The following HEXB variants were observed in gnomAD, a reference collection of about 807,000 sequenced individuals.
HEXB encodes the protein hexosaminidase subunit beta.
In HEXB, 51 loss-of-function variants were observed where a neutral mutation model predicts 71.2. That is an observed-to-expected ratio of 0.72 (90% CI 0.57 to 0.90). HEXB has a LOEUF of 0.90. Among genes scored for constraint, HEXB ranks in the 40% least tolerant of loss-of-function variants. The probability of loss-of-function intolerance (pLI) is 0.00; values close to 1 mark genes in which losing one functional copy is unlikely to be tolerated. For synonymous variants in HEXB, 266 were observed against 249.3 expected (o/e 1.07, Z -0.63); for missense variants, 617 against 677.0 (o/e 0.91, Z 0.98).
intron 1 of HEXB, among the ~76,000 whole-genome samples, chr5:74,677,785 A>G (rs942199342): frequency 1.3e-5 from 2 of 151,932 alleles, no homozygotes; most frequent in Non-Finnish European, 2.9e-5. Context: ...GTGAATTCTG[A>G]GATTTTAGTG....
Position 74,641,653 on chromosome 5 carries a change from C to G in HEXB, c.-377+1095C>G, listed in dbSNP as rs1189379407. ...AAAGAAATGGCCCAGCACACACACACGTTTAATAGTCCCGCGTGTCAGGAG... is the reference window on the plus strand; with the variant it reads ...AAAGAAATGGCCCAGCACACACACAGGTTTAATAGTCCCGCGTGTCAGGAG... On this transcript the variant is annotated intron_variant, in intron 1 of 13. Transcript: ENST00000511181. This position sits in a 1 kb window ranked among gnomAD's most constrained non-coding sequence, Gnocchi z 4.1. 1.3e-5 allele frequency among the ~76,000 whole-genome samples: 2 copies of G among 152,218 alleles called. No individual in the cohort carries two copies. The highest frequency in any genetic ancestry group is 3.8e-4 in the East Asian group (2 of 5,202).
Position 74,705,202 on chromosome 5 carries a change from AAT to A in HEXB, c.670-14_670-13del, listed in dbSNP as rs886060751. On this transcript the variant is annotated splice_polypyrimidine_tract_variant and intron_variant, in intron 5 of 13. Transcript: ENST00000261416. ...TGATATCTGCAGTAAATAATTTTTA[AAT>A]ATGTTTGCTTGCAGGATGCCATGGC... The A allele has an allele frequency of 4.1e-6, 6 of 1,474,742 alleles. No individual in the cohort carries two copies. The South Asian group carries it at 5.7e-5, about 14-fold the overall frequency. 91.4% of individuals were successfully genotyped at this position (1,474,742 alleles called of 1,614,324 possible).
chr5:74,692,702 A>C (rs1346714805), intron 2 of HEXB, among the ~76,000 whole-genome samples: 1 of 152,214 alleles, frequency 6.6e-6, no homozygotes, highest in African/African-American at 2.4e-5. Context: ...TGAGCATCTG[A>C]ATGGTGGTGG....
chr5:74,696,234 G>A (rs968761516), intron 3 of HEXB, among the ~76,000 whole-genome samples: 7 of 152,182 alleles, frequency 4.6e-5, no homozygotes, highest in African/African-American at 1.7e-4. Context: ...GCAGCTATAA[G>A]TAAAATGCTG....
At chr5:74,647,168 A>AAGG (rs1748017274) in intron 1 of HEXB, among the ~76,000 whole-genome samples, 1 of 152,112 alleles carries the variant, frequency 6.6e-6, no homozygotes, top group Non-Finnish European at 1.5e-5. Context: ...TCTTTTGAGT[A>AAGG]CCCCAAGGCT....
intron 1 of HEXB, among the ~76,000 whole-genome samples, chr5:74,643,251 C>G (rs1747940008): frequency 6.6e-6 from 1 of 152,280 alleles, no homozygotes; most frequent in East Asian, 1.9e-4. Context: ...ATGATCATAG[C>G]AATTCAAACG....
At chr5:74,642,822 G>A (rs1284269923) in intron 1 of HEXB, among the ~76,000 whole-genome samples, 1 of 152,172 alleles carries the variant, frequency 6.6e-6, no homozygotes, top group Non-Finnish European at 1.5e-5. Context: ...AGGCAGGGCT[G>A]AGAAAGGAAA....
chr5:74,718,830 G>A lies in HEXB; in HGVS notation c.1276G>A (p.Asp426Asn), dbSNP rs780330079. The change falls in exon 11 of 14, where the codon GAC becomes AAC. Residue 426 changes from aspartate to asparagine, a missense_variant. Physicochemically the swap from Asp to Asn is conservative, Grantham distance 23. Coordinates refer to ENST00000261416, the MANE Select transcript of HEXB (RefSeq NM_000521.4). ...GGGCACAATAGTTGAAGTATGGAAA[G>A]ACAGCGCATATCCTGAGGAACTCAG... ...APGTIVEVWK[D>N]SAYPEELSRV... The A allele has an allele frequency of 5.6e-6, 9 of 1,614,154 alleles. No homozygotes were observed. In the East Asian group the frequency reaches 1.6e-4, roughly 28 times the overall value.
In HEXB at chr5:74,697,106, G is replaced by T; in HGVS notation, c.669G>T (p.Leu223=). The change falls in exon 5 of 14, where the codon CTG becomes CTT. Residue 223 remains leucine (L), a splice_region_variant and synonymous_variant. Coordinates refer to ENST00000261416, the MANE Select transcript of HEXB (RefSeq NM_000521.4). The part of the protein sequence containing the change: ...YLPVKIILKT[L]DAMAFNKFNV... ...CAGTTAAGATTATTCTTAAAACTCT[G>T]GTAAGTAATTACTTCATTCTAATCT... is the stretch of plus-strand genomic sequence containing the variant. 7.8e-7 allele frequency: 1 copy of T among 1,280,960 alleles called. No homozygotes were observed. 79.3% of individuals were successfully genotyped at this position (1,280,960 alleles called of 1,614,324 possible).
intron 1 of HEXB, among the ~76,000 whole-genome samples, chr5:74,658,361 G>T (rs1364648455): frequency 1.3e-5 from 2 of 152,192 alleles, no homozygotes; most frequent in African/African-American, 4.8e-5. Context: ...GCATGGTAAA[G>T]AATTTCGCCT....
upstream of HEXB, among the ~76,000 whole-genome samples, chr5:74,682,134 A>G (rs1169720789): frequency 6.6e-6 from 1 of 152,238 alleles, no homozygotes; most frequent in African/African-American, 2.4e-5. Flanking sequence ...CGAGACGGGC[A>G]GATCATGAGA....
chr5:74,658,630 C>T (rs1360613970), intron 1 of HEXB, among the ~76,000 whole-genome samples: 8 of 152,022 alleles, frequency 5.3e-5, no homozygotes, highest in African/African-American at 1.7e-4. Flanking sequence ...GTAAGCTTCC[C>T]TGGGTGGTAA....
chr5:74,686,404 A>G (rs987211121), intron 1 of HEXB, among the ~76,000 whole-genome samples: 2 of 152,190 alleles, frequency 1.3e-5, no homozygotes, highest in Non-Finnish European at 2.9e-5. Context: ...GCCCTGCAGA[A>G]TTGTAATTTG....
At chr5:74,664,444 A>AG (rs947111884) in intron 1 of HEXB, among the ~76,000 whole-genome samples, 2 of 150,814 alleles carry the variant, frequency 1.3e-5, no homozygotes, top group Non-Finnish European at 3.0e-5. Context: ...AAAAAAAAAA[A>AG]AAAAAAAAAC....
intron 13 of HEXB, 48 bp downstream of exon 13, chr5:74,720,795 T>C: frequency 7.1e-7 from 1 of 1,401,552 alleles, no homozygotes; most frequent in South Asian, 1.2e-5. Context: ...TCTTATTCAG[T>C]GTTAGTTTCT....
chr5:74,682,857 A>G (rs1285342769), upstream of HEXB, among the ~76,000 whole-genome samples: 1 of 152,220 alleles, frequency 6.6e-6, no homozygotes, highest in Non-Finnish European at 1.5e-5. Context: ...GTCATGGCTG[A>G]CACTCTTATA....
intron 1 of HEXB, among the ~76,000 whole-genome samples, chr5:74,648,909 C>T (rs957296395): frequency 6.6e-5 from 10 of 152,196 alleles, no homozygotes; most frequent in African/African-American, 2.4e-4. Flanking sequence ...AGGAATGGAA[C>T]ACTGTAGCAC....
In HEXB at chr5:74,713,576, G is replaced by A. The variant is rs751678693; in HGVS notation, c.842G>A (p.Arg281Gln). 10 of 1,613,036 alleles carry A rather than the reference G, an allele frequency of 6.2e-6. No individual in the cohort carries two copies. Among genetic ancestry groups the A allele is most frequent in the East Asian group, 2.2e-5 (1 of 44,880 alleles). ...VRMVIEYARL[R>Q]GIRVLPEFDT... ...ATGGTGATTGAATATGCCAGATTAC[G>A]AGGAATTCGAGTCCTGCCAGAATTT... Residue 281 changes from arginine to glutamine, a missense_variant, in exon 7 of 14, where the codon CGA becomes CAA. Coordinates refer to ENST00000261416, the MANE Select transcript of HEXB (RefSeq NM_000521.4).
intron 1 of HEXB, among the ~76,000 whole-genome samples, chr5:74,686,310 C>T (rs1748874192): frequency 6.6e-6 from 1 of 152,122 alleles, no homozygotes; most frequent in South Asian, 2.1e-4. Context: ...AGGCAGGTTC[C>T]CCTGGGGAGA....
Sources: gnomAD v4.1 joint callset for allele counts (sites outside exome capture counted in the v4.1 genomes callset) on GRCh38, gnomAD v4.1.1 for gene constraint, Gnocchi (gnomAD v3.1) non-coding constraint, MANE v1.5 for transcripts, NCBI Gene and HGNC (gene_info 2026-07-23, HGNC 2026-07-21) for gene names.